TBX20: variants seen among roughly 807,000 people sequenced by gnomAD.
The protein encoded by TBX20 is T-box transcription factor TBX20.
A neutral mutation model predicts 42.9 loss-of-function variants in TBX20; 8 were observed. The observed-to-expected ratio is 0.19, with a 90% CI of 0.11 to 0.34. TBX20 has a LOEUF of 0.34. Among genes scored for constraint, TBX20 ranks in the 10% least tolerant of loss-of-function variants. The pLI is 1.00. For missense variants in TBX20, 411 were observed against 566.0 expected (o/e 0.73, Z 2.78); for synonymous variants, 198 against 222.8 (o/e 0.89, Z 0.99).
Position 35,253,891 on chromosome 7 carries a change from C to T in TBX20, c.-271G>A. ...TACGGCGGGTGCGCACGCCCCGGGG[C>T]GCTCGGCAGGACGACAGTCTGCACA... On this transcript the variant is annotated 5_prime_UTR_variant, in exon 1 of 8. Coordinates refer to ENST00000408931, the MANE Select transcript of TBX20 (RefSeq NM_001077653.2). 1 of 467,594 alleles carries T rather than the reference C, an allele frequency of 2.1e-6. No homozygotes were observed. Among genetic ancestry groups the T allele is most frequent in the Non-Finnish European group, 3.9e-6 (1 of 259,312 alleles). 29.0% of individuals were successfully genotyped at this position (467,594 alleles called of 1,614,324 possible).
At chr7:35,217,801 A>G (rs1169793211) in intron 6 of TBX20, among the ~76,000 whole-genome samples, 2 of 152,122 alleles carry the variant, frequency 1.3e-5, no homozygotes, top group Non-Finnish European at 2.9e-5. Flanking sequence ...GCTCACTGCA[A>G]CCACCACCTC....
intron 7 of TBX20, among the ~76,000 whole-genome samples, chr7:35,203,752 T>C (rs1024338767): frequency 1.3e-5 from 2 of 152,236 alleles, no homozygotes; most frequent in Non-Finnish European, 2.9e-5. Flanking sequence ...ACTGTAATAC[T>C]AGTGGTTCAC....
At chr7:35,234,588 ATT>A (rs1253238411) in intron 5 of TBX20, among the ~76,000 whole-genome samples, 1 of 152,192 alleles carries the variant, frequency 6.6e-6, no homozygotes, top group Non-Finnish European at 1.5e-5. Flanking sequence ...ATCAGTGGAA[ATT>A]TCTTTACATT....
chr7:35,204,708 A>G (rs1789371452), intron 6 of TBX20, 126 bp from the exon 7 acceptor site: 3 of 714,522 alleles, frequency 4.2e-6, no homozygotes, highest in Non-Finnish European at 7.5e-6. Flanking sequence ...CACTGCACAG[A>G]AAGATGAAAT....
intron 6 of TBX20, among the ~76,000 whole-genome samples, chr7:35,230,908 C>T (rs1368651445): frequency 1.3e-5 from 2 of 152,174 alleles, no homozygotes; most frequent in African/African-American, 4.8e-5. Flanking sequence ...TTACTCATCA[C>T]CTCAATGGTC....
intron 6 of TBX20, among the ~76,000 whole-genome samples, chr7:35,212,172 A>G (rs1373037401): frequency 6.6e-6 from 1 of 152,130 alleles, no homozygotes; most frequent in East Asian, 1.9e-4. Flanking sequence ...CTTCAAGTTC[A>G]CTAATCTTTT....
At chr7:35,223,048 AGT>A (rs1789709950) in intron 6 of TBX20, among the ~76,000 whole-genome samples, 1 of 152,246 alleles carries the variant, frequency 6.6e-6, no homozygotes, top group Non-Finnish European at 1.5e-5. Context: ...CCTAGGTAAG[AGT>A]GGTAGCAGTG....
chr7:35,244,891 T>C lies in TBX20; in HGVS notation c.654+58A>G, dbSNP rs1048949053. 1.4e-5 allele frequency: 17 copies of C among 1,244,832 alleles called. No individual in the cohort carries two copies. In the African/African-American group the frequency reaches 2.2e-4, roughly 16 times the overall value. 77.1% of individuals were successfully genotyped at this position (1,244,832 alleles called of 1,614,324 possible). On this transcript the variant is annotated intron_variant, in intron 4 of 7. Transcript: ENST00000408931. ...GAAGGGACTCAGAGAGAGACAGTTTTGTGCGACCTGTCCATTCTACCTCAG... is the reference window on the plus strand; with the variant it reads ...GAAGGGACTCAGAGAGAGACAGTTTCGTGCGACCTGTCCATTCTACCTCAG...
rs1789654540 is a variant in TBX20 at position 35,220,067 on chromosome 7, G to A, written c.890+11437C>T. ...AAACAAGAGAAACTCAAGAAATGAG[G>A]GAGGGTGCCAACTATATATTAAAAT... On this transcript the variant is annotated intron_variant, in intron 6 of 7. Transcript: ENST00000408931. Among the ~76,000 whole-genome samples, 3 of 152,266 alleles carry A rather than the reference G, an allele frequency of 2.0e-5. No homozygotes were observed. In the South Asian group the frequency reaches 6.2e-4, roughly 32 times the overall value.
intron 6 of TBX20, among the ~76,000 whole-genome samples, chr7:35,229,039 CTG>C (rs1398334851): frequency 1.3e-5 from 2 of 152,154 alleles, no homozygotes; most frequent in East Asian, 1.9e-4. Context: ...AGGATTAAAA[CTG>C]TGAATTTAGA....
At chr7:35,243,307 A>C (rs1183292244) in intron 4 of TBX20, among the ~76,000 whole-genome samples, 1 of 152,118 alleles carries the variant, frequency 6.6e-6, no homozygotes, top group African/African-American at 2.4e-5. Flanking sequence ...TTAAAGCTAA[A>C]ATGCATATAA....
At chr7:35,219,910 T>C (rs1485237563) in intron 6 of TBX20, among the ~76,000 whole-genome samples, 1 of 152,210 alleles carries the variant, frequency 6.6e-6, no homozygotes, top group East Asian at 1.9e-4. Context: ...CCAAACTTCA[T>C]GTGTTTGAAA....
intron 6 of TBX20, among the ~76,000 whole-genome samples, chr7:35,221,357 T>C (rs1303495923): frequency 6.6e-6 from 1 of 150,430 alleles, no homozygotes; most frequent in Non-Finnish European, 1.5e-5. Flanking sequence ...CTGAGCTCAA[T>C]TAAGACTTGA....
chr7:35,208,828 A>C (rs931732116), intron 6 of TBX20, among the ~76,000 whole-genome samples: 1 of 143,618 alleles, frequency 7.0e-6, no homozygotes, highest in African/African-American at 2.6e-5. Flanking sequence ...AAAGCATTCA[A>C]TTTTTCACCA....
intron 3 of TBX20, 132 bp from the exon 4 acceptor site, chr7:35,245,189 C>G (rs1790158206): frequency 9.2e-6 from 6 of 651,466 alleles, no homozygotes; most frequent in Middle Eastern, 4.1e-4. Context: ...CTATATACCT[C>G]AAATTTATTA....
At chr7:35,250,362 A>G (rs1404248351) in intron 1 of TBX20, among the ~76,000 whole-genome samples, 159 bp from the exon 2 acceptor site, 1 of 152,188 alleles carries the variant, frequency 6.6e-6, no homozygotes, top group Non-Finnish European at 1.5e-5. Context: ...TCACTGTATA[A>G]AATTACCTGG....
intron 5 of TBX20, among the ~76,000 whole-genome samples, chr7:35,236,650 C>G (rs17674881): frequency 0.37 from 55,623 of 151,954 alleles, 10,464 homozygotes; most frequent in Admixed American, 0.46. Flanking sequence ...TGCGAAACTG[C>G]CCTGTCAGGA....
In TBX20 at chr7:35,248,850, G is replaced by C. The variant is rs1415578613; in HGVS notation, c.381-9C>G. 6.6e-7 allele frequency: 1 copy of C among 1,507,036 alleles called. No homozygotes were observed. Among genetic ancestry groups the C allele is most frequent in the South Asian group, 1.2e-5 (1 of 86,580 alleles). 93.4% of individuals were successfully genotyped at this position (1,507,036 alleles called of 1,614,324 possible). ...TGGTTGGAAACATCCTCCTGACAGA[G>C]AGAGAGAGAGAGAATGGGCCCTGTT... On this transcript the variant is annotated splice_polypyrimidine_tract_variant and intron_variant, in intron 2 of 7. Transcript: ENST00000408931.
chr7:35,205,782 T>C (rs1789390014), intron 6 of TBX20, among the ~76,000 whole-genome samples: 1 of 152,208 alleles, frequency 6.6e-6, no homozygotes, highest in Non-Finnish European at 1.5e-5. Context: ...GAAAATTAAC[T>C]CTGCAACTAT....
Sources: allele counts gnomAD v4.1 joint callset (sites outside exome capture counted in the v4.1 genomes callset), GRCh38; gene constraint gnomAD v4.1.1; transcripts MANE v1.5; gene names NCBI Gene and HGNC (gene_info 2026-07-23, HGNC 2026-07-21).